ZNF777: variants seen among roughly 807,000 people sequenced by gnomAD.
ZNF777 encodes the protein zinc finger protein 777.
Under a neutral mutation model 72.1 loss-of-function variants are expected in ZNF777, and 7 were observed. That is an observed-to-expected ratio of 0.10 (90% CI 0.06 to 0.18). ZNF777 has a LOEUF of 0.18. Ranked by LOEUF, ZNF777 falls within the 10% of genes least tolerant of loss-of-function variation. The pLI, the probability that ZNF777 is intolerant of heterozygous loss-of-function variation, is 1.00. For synonymous variants in ZNF777, 545 were observed against 483.5 expected (o/e 1.13, Z -1.67); for missense variants, 828 against 1,128.6 (o/e 0.73, Z 3.82).
chr7:149,448,579 C>CATATAGTTATATAGT (rs1799655181), intron 4 of ZNF777, among the ~76,000 whole-genome samples: 4 of 115,104 alleles, frequency 3.5e-5, no homozygotes, highest in Non-Finnish European at 7.0e-5. Context: ...ATACATATAA[C>CATATAGTTATATAGT]TATATATATA....
chr7:149,458,521 C>CAAAACAAAACAA (rs1198733871), intron 1 of ZNF777, among the ~76,000 whole-genome samples: 1 of 151,944 alleles, frequency 6.6e-6, no homozygotes, highest in Non-Finnish European at 1.5e-5. Context: ...CAAAACAAAA[C>CAAAACAAAACAA]AAAACAAAAC....
At position 149,456,149 on chromosome 7, in the gene ZNF777, A is replaced by G. The variant is rs752811951; in HGVS notation, c.-15-112T>C. 18 of 1,160,882 alleles carry G rather than the reference A, an allele frequency of 1.6e-5. No individual in the cohort carries two copies. The South Asian group carries it at 2.3e-4, about 15-fold the overall frequency. 71.9% of individuals were successfully genotyped at this position (1,160,882 alleles called of 1,614,324 possible). A position where few individuals can be genotyped will look rare whatever the true frequency, so the allele number is the denominator to read the frequency against. On this transcript the variant is annotated intron_variant, in intron 1 of 5. Transcript: ENST00000247930. ...AAAGTGCTTCCGTTTGGTAGCAATA[A>G]TATGTGCCCCTCATATGTGAATCTC...
At chr7:149,453,697 T>C (rs994939728) in intron 3 of ZNF777, among the ~76,000 whole-genome samples, 7 of 152,238 alleles carry the variant, frequency 4.6e-5, no homozygotes, top group Non-Finnish European at 1.5e-5. Flanking sequence ...GAGATGATAC[T>C]TGTACAGCAC....
Position 149,432,649 on chromosome 7 carries a change from G to A in ZNF777, c.1623C>T (p.Arg541=), listed in dbSNP as rs760169351. The A allele has an allele frequency of 1.4e-5, 23 of 1,613,440 alleles. No individual in the cohort carries two copies. Among genetic ancestry groups the A allele is most frequent in the South Asian group, 9.9e-5 (9 of 91,040 alleles). The part of the protein sequence containing the change: ...GASSQQQRNR[R]GERPFTCMEC... Reference sequence around the variant, plus strand: ...CCATGCATGTGAAGGGCCGCTCGCCGCGCCGGTTCCGCTGCTGCTGGCTCG... The same window carrying A: ...CCATGCATGTGAAGGGCCGCTCGCCACGCCGGTTCCGCTGCTGCTGGCTCG... Residue 541 remains arginine (R), a synonymous_variant, in exon 6 of 6, where the codon CGC becomes CGT. Transcript: ENST00000247930.
At position 149,432,512 on chromosome 7, in the gene ZNF777, T is replaced by C; in HGVS notation, c.1760A>G (p.Gln587Arg). 6.2e-7 allele frequency: 1 copy of C among 1,613,814 alleles called. No individual in the cohort carries two copies. Among genetic ancestry groups the C allele is most frequent in the Non-Finnish European group, 8.5e-7 (1 of 1,179,862 alleles). Residue 587 changes from glutamine (Q) to arginine (R), a missense_variant, in exon 6 of 6, where the codon CAA (glutamine) becomes CGA (arginine). By Grantham distance (43) the Gln-to-Arg change is conservative (BLOSUM62 1). Coordinates refer to ENST00000247930, the MANE Select transcript of ZNF777 (RefSeq NM_015694.3). ...AECEISFRHK[Q>R]QLTLHQRIHR... ...GATGCGCTGGTGCAGCGTGAGCTGT[T>C]GCTTGTGCCGGAAGCTGATCTCGCA...
chr7:149,455,850 T>C lies in ZNF777; in HGVS notation c.173A>G (p.Gln58Arg). 2 of 1,613,628 alleles carry C rather than the reference T, an allele frequency of 1.2e-6. No homozygotes were observed. The highest frequency in any genetic ancestry group is 2.2e-5 in the East Asian group (1 of 44,810). Reference sequence around the variant, plus strand: ...CTCTTGCTTGGGAGCACTGGAAGTTTGGGGCAGGGAGCCTTGACGGGGAAT... The same window carrying C: ...CTCTTGCTTGGGAGCACTGGAAGTTCGGGGCAGGGAGCCTTGACGGGGAAT... Reference protein sequence around the residue: ...PTIPRQGSLPQTSSAPKQETS... With the variant: ...PTIPRQGSLPRTSSAPKQETS... Residue 58 changes from glutamine (Q) to arginine (R), a missense_variant, in exon 2 of 6, where the codon CAA (glutamine) becomes CGA (arginine). Gln to Arg is a conservative substitution (Grantham distance 43). Coordinates refer to ENST00000247930, the MANE Select transcript of ZNF777 (RefSeq NM_015694.3). The surrounding 1 kb of genome is among the most constrained non-coding windows in gnomAD (Gnocchi z 4.2).
intron 4 of ZNF777, among the ~76,000 whole-genome samples, chr7:149,438,004 C>T (rs897120388): frequency 2.0e-5 from 3 of 151,826 alleles, no homozygotes; most frequent in Admixed American, 6.6e-5. Context: ...CTCAGCCTCC[C>T]GAGCAGCTGG....
chr7:149,440,662 GTTGTTTTTTTGTTT>G (rs1204057427), intron 4 of ZNF777, among the ~76,000 whole-genome samples: 4,802 of 124,596 alleles, frequency 0.039, 203 homozygotes, highest in African/African-American at 0.11. Flanking sequence ...CCAGCAGCCT[GTTGTTTTTTTGTTT>G]TTTTTTTTTT....
intron 3 of ZNF777, among the ~76,000 whole-genome samples, chr7:149,452,982 G>A (rs1218208368): frequency 2.0e-5 from 3 of 152,216 alleles, no homozygotes; most frequent in Admixed American, 1.3e-4. Context: ...AATGGTTCAC[G>A]TGGAACACTG....
rs1226413419 is a variant in ZNF777 at position 149,431,423 on chromosome 7, A to AAAG, written c.*350_*352dup. On this transcript the variant is annotated 3_prime_UTR_variant, in exon 6 of 6. Transcript: ENST00000247930. ...ACCACAGTATCCAAAAGGTAATTAT[A>AAAG]AAGTTCTATCCCCAACTAGATGGGC... is the stretch of plus-strand genomic sequence containing the variant. 1 of 423,838 alleles carries AAAG rather than the reference A, an allele frequency of 2.4e-6. No individual in the cohort carries two copies. The highest frequency in any genetic ancestry group is 8.4e-5 in the East Asian group (1 of 11,960). The allele number at this position is 423,838 out of a possible 1,614,324, so 26.3% of individuals were successfully genotyped here. A position where few individuals can be genotyped will look rare whatever the true frequency, so the allele number is the denominator to read the frequency against.
intron 4 of ZNF777, among the ~76,000 whole-genome samples, chr7:149,445,549 C>T (rs984400837): frequency 1.2e-4 from 18 of 152,198 alleles, no homozygotes; most frequent in African/African-American, 4.3e-4. Flanking sequence ...TCCAGATAAG[C>T]CTCTTCAAAT....
rs992182809 is a variant in ZNF777 at position 149,437,948 on chromosome 7, C to T, written c.1088-1122G>A. 8.6e-5 allele frequency among the ~76,000 whole-genome samples: 13 copies of T among 151,310 alleles called. No homozygotes were observed. In the East Asian group the frequency reaches 2.1e-3, roughly 25 times the overall value. Reference sequence around the variant, plus strand: ...AGGCTGGAGTGCAATGGTGTGGTCTCGGTTCACTGCAAGCTCCGCCTCCCA... The same window carrying T: ...AGGCTGGAGTGCAATGGTGTGGTCTTGGTTCACTGCAAGCTCCGCCTCCCA... On this transcript the variant is annotated intron_variant, in intron 4 of 5. Coordinates refer to ENST00000247930, the MANE Select transcript of ZNF777 (RefSeq NM_015694.3).
intron 3 of ZNF777, among the ~76,000 whole-genome samples, chr7:149,453,655 C>A (rs948044284): frequency 6.6e-6 from 1 of 152,192 alleles, no homozygotes; most frequent in African/African-American, 2.4e-5. Flanking sequence ...CCTGTCTTAG[C>A]CTCCGCAACA....
chr7:149,442,725 A>AT (rs1340263276), intron 4 of ZNF777, among the ~76,000 whole-genome samples: 3 of 152,244 alleles, frequency 2.0e-5, no homozygotes, highest in African/African-American at 7.2e-5. Context: ...CAAATCAATA[A>AT]TAAAAAGACG....
chr7:149,446,002 T>C (rs574827001), intron 4 of ZNF777, among the ~76,000 whole-genome samples: 1 of 152,350 alleles, frequency 6.6e-6, no homozygotes, highest in South Asian at 2.1e-4. Flanking sequence ...CAGATTCAGC[T>C]CACCACATCT....
rs1265660878 is a variant in ZNF777, at chr7:149,431,653, G to C, written c.*123C>G. Reference sequence around the variant, plus strand: ...CTTGGGAGGAGGGACGAGAGGAGAGGGGGAGCTCACGGCAAAGGGGCTGGG... The same window carrying C: ...CTTGGGAGGAGGGACGAGAGGAGAGCGGGAGCTCACGGCAAAGGGGCTGGG... On this transcript the variant is annotated 3_prime_UTR_variant, in exon 6 of 6. Coordinates refer to ENST00000247930, the MANE Select transcript of ZNF777 (RefSeq NM_015694.3). 22 of 896,364 alleles carry C rather than the reference G, an allele frequency of 2.5e-5. No homozygotes were observed. Among genetic ancestry groups the C allele is most frequent in the Non-Finnish European group, 3.3e-5 (22 of 673,358 alleles). The allele number at this position is 896,364 out of a possible 1,614,324, so 55.5% of individuals were successfully genotyped here.
chr7:149,451,251 T>A, intron 3 of ZNF777, 139 bp from the exon 4 acceptor site: 1 of 716,108 alleles, frequency 1.4e-6, no homozygotes, highest in Non-Finnish European at 2.4e-6. Context: ...AGTCTCCCCT[T>A]CTTTTCCCAA....
chr7:149,440,038 T>C (rs1799480507), intron 4 of ZNF777, among the ~76,000 whole-genome samples: 1 of 152,212 alleles, frequency 6.6e-6, no homozygotes, highest in Non-Finnish European at 1.5e-5. Context: ...GTAGATGGGC[T>C]GGAAGAAGCT....
intron 5 of ZNF777, among the ~76,000 whole-genome samples, chr7:149,433,524 G>A (rs1799361655): frequency 6.6e-6 from 1 of 152,154 alleles, no homozygotes; most frequent in Admixed American, 6.5e-5. Context: ...TAATCCACTT[G>A]GAGATTTCTC....
Sources: gnomAD v4.1 joint callset for allele counts (sites outside exome capture counted in the v4.1 genomes callset) on GRCh38, gnomAD v4.1.1 for gene constraint, Gnocchi (gnomAD v3.1) non-coding constraint, MANE v1.5 for transcripts, NCBI Gene and HGNC (gene_info 2026-07-23, HGNC 2026-07-21) for gene names.